Variants in TENM1 observed in about 807,000 individuals in gnomAD.
TENM1 encodes the protein teneurin transmembrane protein 1.
Under a neutral mutation model 174.8 loss-of-function variants are expected in TENM1, and 35 were observed. The ratio of observed to expected loss-of-function variants is 0.20; its 90% confidence interval spans 0.15 to 0.27. TENM1 has a LOEUF of 0.27. Ranked by LOEUF, TENM1 falls within the 10% of genes least tolerant of loss-of-function variation. The pLI, the probability that TENM1 is intolerant of heterozygous loss-of-function variation, is 1.00. For synonymous variants in TENM1, 781 were observed against 798.7 expected (o/e 0.98, Z 0.37); for missense variants, 1,633 against 2,130.1 (o/e 0.77, Z 4.59).
chrX:124,860,724 T>A (rs1369827449), intron 3 of TENM1, among the ~76,000 whole-genome samples: 3 of 111,712 alleles, frequency 2.7e-5, no homozygotes, highest in African/African-American at 9.7e-5. Flanking sequence ...TACAAAAAAA[T>A]TATTATTTCT....
the TENM1 span, among the ~76,000 whole-genome samples, chrX:125,182,582 A>T: frequency 3.6e-5 from 4 of 110,723 alleles, no homozygotes; most frequent in Admixed American, 1.9e-4. Context: ...AACTTATTTT[A>T]AAAATGCCAT....
intron 1 of TENM1, among the ~76,000 whole-genome samples, chrX:124,930,915 T>C (rs1283061766): frequency 2.7e-5 from 3 of 111,726 alleles, no homozygotes; most frequent in Admixed American, 9.5e-5. Flanking sequence ...GCTTTAATCA[T>C]GTAGATATTA....
intron 3 of TENM1, among the ~76,000 whole-genome samples, chrX:124,757,958 G>A (rs929452319): frequency 8.9e-6 from 1 of 111,960 alleles, no homozygotes; most frequent in Admixed American, 9.5e-5. Context: ...TTATACGGGA[G>A]TATAATGAGT....
intron 1 of TENM1, among the ~76,000 whole-genome samples, chrX:124,954,118 T>G (rs73215177): frequency 0.012 from 1,297 of 112,264 alleles, 12 homozygotes; most frequent in South Asian, 0.02. Context: ...TGTAATTGTA[T>G]ATTGTTTCAT....
chrX:125,028,695 T>A, the TENM1 span, among the ~76,000 whole-genome samples: 3 of 111,346 alleles, frequency 2.7e-5, no homozygotes, highest in Admixed American at 9.6e-5. Context: ...TTAAAAAAAA[T>A]ATTCATATAT....
the TENM1 span, among the ~76,000 whole-genome samples, chrX:125,071,575 TGC>T: frequency 8.9e-6 from 1 of 112,153 alleles, no homozygotes; most frequent in Non-Finnish European, 1.9e-5. Flanking sequence ...AAGATAGATG[TGC>T]TACTTAATTT....
intron 1 of TENM1, among the ~76,000 whole-genome samples, chrX:124,946,024 G>A (rs1466721579): frequency 9.0e-6 from 1 of 111,684 alleles, no homozygotes; most frequent in Admixed American, 9.5e-5. Context: ...CTAGATCAAG[G>A]GATGTCCCAT....
chrX:125,024,804 T>A, the TENM1 span, among the ~76,000 whole-genome samples: 1 of 112,004 alleles, frequency 8.9e-6, no homozygotes, highest in Admixed American at 9.5e-5. Context: ...TTAGCTTTAT[T>A]ATTCTCATCT....
chrX:125,076,255 G>A, the TENM1 span, among the ~76,000 whole-genome samples: 2 of 111,346 alleles, frequency 1.8e-5, no homozygotes, highest in Non-Finnish European at 3.8e-5. Flanking sequence ...TGTATGGTCT[G>A]CACCATGTAG....
the TENM1 span, among the ~76,000 whole-genome samples, chrX:125,107,376 C>A: frequency 6.2e-5 from 7 of 112,225 alleles, no homozygotes; most frequent in African/African-American, 2.3e-4. Flanking sequence ...AAGGATTTCC[C>A]CCTGACTCCA....
chrX:125,038,483 T>C, the TENM1 span, among the ~76,000 whole-genome samples: 1 of 111,555 alleles, frequency 9.0e-6, no homozygotes, highest in Non-Finnish European at 1.9e-5. Context: ...TTTTGCTTTA[T>C]AAAACCACCT....
the TENM1 span, among the ~76,000 whole-genome samples, chrX:125,155,800 C>T: frequency 7.1e-5 from 8 of 112,662 alleles, no homozygotes; most frequent in Non-Finnish European, 1.3e-4. Context: ...CGTTCTGGCC[C>T]GCAAGCACTG....
chrX:124,590,044 C>T (rs1938354890), intron 11 of TENM1, among the ~76,000 whole-genome samples: 1 of 111,792 alleles, frequency 8.9e-6, no homozygotes, highest in Non-Finnish European at 1.9e-5. Context: ...GGTAGCCATT[C>T]AGCGCTATAA....
intron 4 of TENM1, among the ~76,000 whole-genome samples, chrX:124,720,224 G>A (rs917654552): frequency 1.8e-5 from 2 of 111,807 alleles, no homozygotes; most frequent in Non-Finnish European, 3.8e-5. Flanking sequence ...AACATGCCTC[G>A]TTATATCCCT....
At chrX:124,780,756 G>A (rs1174723941) in intron 3 of TENM1, among the ~76,000 whole-genome samples, 1 of 111,518 alleles carries the variant, frequency 9.0e-6, no homozygotes, top group Non-Finnish European at 1.9e-5. Flanking sequence ...ATCTCAAAAG[G>A]GACAAGTACT....
At chrX:125,201,127 A>G in the TENM1 span, among the ~76,000 whole-genome samples, 9 of 112,302 alleles carry the variant, frequency 8.0e-5, no homozygotes, top group Non-Finnish European at 1.7e-4. Context: ...AATATTGTAT[A>G]GAATAAACTT....
chrX:124,594,606 C>T (rs771016566), intron 11 of TENM1, among the ~76,000 whole-genome samples: 1 of 111,834 alleles, frequency 8.9e-6, no homozygotes, highest in South Asian at 3.8e-4. Flanking sequence ...CAAAAAGTAA[C>T]ATGAGATGAT....
chrX:124,989,322 A>T, the TENM1 span, among the ~76,000 whole-genome samples: 1 of 111,928 alleles, frequency 8.9e-6, no homozygotes, highest in Non-Finnish European at 1.9e-5. Flanking sequence ...ATTTTTAAAG[A>T]ATTAACAAAA....
chrX:124,428,190 C>G (rs1247245385), intron 23 of TENM1, among the ~76,000 whole-genome samples: 1 of 112,174 alleles, frequency 8.9e-6, no homozygotes, highest in African/African-American at 3.2e-5. Flanking sequence ...AGAAATAACC[C>G]TGAGCATAAA....
Sources: allele counts gnomAD v4.1 joint callset (sites outside exome capture counted in the v4.1 genomes callset), GRCh38; gene constraint gnomAD v4.1.1; transcripts MANE v1.5; gene names NCBI Gene and HGNC (gene_info 2026-07-23, HGNC 2026-07-21).